The following MGMT variants were observed in gnomAD, a reference collection of about 807,000 sequenced individuals.
MGMT encodes the protein O-6-methylguanine-DNA methyltransferase.
Under a neutral mutation model 15.9 loss-of-function variants are expected in MGMT, and 14 were observed. That is an observed-to-expected ratio of 0.88 (90% CI 0.58 to 1.37). MGMT has a LOEUF of 1.37. MGMT is among the 40% of genes most tolerant of loss of function. The pLI is 0.00. For synonymous variants in MGMT, 130 were observed against 118.2 expected (o/e 1.10, Z -0.65); for missense variants, 282 against 268.1 (o/e 1.05, Z -0.36).
At chr10:129,731,836 A>C (rs1438230156) in intron 3 of MGMT, among the ~76,000 whole-genome samples, 1 of 152,226 alleles carries the variant, frequency 6.6e-6, no homozygotes, top group African/African-American at 2.4e-5. Context: ...TTTTTGCAGA[A>C]TGGAATGCCT....
At chr10:129,607,964 AC>A (rs1342163496) in intron 2 of MGMT, among the ~76,000 whole-genome samples, 1 of 152,094 alleles carries the variant, frequency 6.6e-6, no homozygotes, top group Non-Finnish European at 1.5e-5. Flanking sequence ...GACTCCCTCA[AC>A]CTGTCGGGCT....
At chr10:129,526,962 C>T (rs1218646503) in intron 1 of MGMT, among the ~76,000 whole-genome samples, 1 of 152,204 alleles carries the variant, frequency 6.6e-6, no homozygotes, top group Non-Finnish European at 1.5e-5. Flanking sequence ...CAGAGGTCTC[C>T]AAATAGCCAT....
At chr10:129,547,900 A>G (rs2119782267) in intron 2 of MGMT, among the ~76,000 whole-genome samples, 1 of 152,302 alleles carries the variant, frequency 6.6e-6, no homozygotes, top group East Asian at 1.9e-4. Context: ...GAGCACAGCT[A>G]TGGGAGGCAA....
Position 129,556,876 on chromosome 10 carries a change from T to C in MGMT, c.125+20499T>C, listed in dbSNP as rs140401371. 3.2e-3 allele frequency among the ~76,000 whole-genome samples: 481 copies of C among 152,184 alleles called. 1 individual carries two copies. Among genetic ancestry groups the C allele is most frequent in the African/African-American group, 0.011 (456 of 41,530 alleles). On this transcript the variant is annotated intron_variant, in intron 2 of 4. Coordinates refer to ENST00000651593, the MANE Select transcript of MGMT (RefSeq NM_002412.5). This position sits in a 1 kb window ranked among gnomAD's most constrained non-coding sequence, Gnocchi z 4.3. ...AGGGCTAGTGAGACCAGCTTTCCCT[T>C]GAGTTCTGGGGCGGGACGTGGAATG...
chr10:129,709,270 C>T (rs940723259), intron 3 of MGMT, among the ~76,000 whole-genome samples: 2 of 152,192 alleles, frequency 1.3e-5, no homozygotes, highest in African/African-American at 2.4e-5. Flanking sequence ...CTACCAAAGC[C>T]TCCTGGGCTG....
At chr10:129,563,092 T>TGTCAA (rs1846298946) in intron 2 of MGMT, among the ~76,000 whole-genome samples, 1 of 152,210 alleles carries the variant, frequency 6.6e-6, no homozygotes, top group Non-Finnish European at 1.5e-5. Context: ...TCAAGTGTTG[T>TGTCAA]GAGCACGTTT....
intron 3 of MGMT, among the ~76,000 whole-genome samples, chr10:129,719,359 C>T (rs767606672): frequency 7.2e-5 from 11 of 152,236 alleles, no homozygotes; most frequent in Admixed American, 4.6e-4. Flanking sequence ...TTGCCTGGTG[C>T]GCGCTGGGGC....
At chr10:129,507,767 C>T (rs1468169378) in intron 1 of MGMT, among the ~76,000 whole-genome samples, 1 of 152,156 alleles carries the variant, frequency 6.6e-6, no homozygotes, top group African/African-American at 2.4e-5. Context: ...CTGTGTTTGC[C>T]AGGGTTTTGA....
rs183610387 is a variant in MGMT, at chr10:129,702,467, G to A, written c.126-5428G>A. Reference sequence around the variant, plus strand: ...ACGTGATGTCCTAGGAGAGGCCTAGGGGAGGTGCGACTCTGATGGGCTCTG... The same window carrying A: ...ACGTGATGTCCTAGGAGAGGCCTAGAGGAGGTGCGACTCTGATGGGCTCTG... On this transcript the variant is annotated intron_variant, in intron 2 of 4. Transcript: ENST00000651593. Among the ~76,000 whole-genome samples, 360 of 152,314 alleles carry A rather than the reference G, an allele frequency of 2.4e-3. 1 individual carries two copies. Among genetic ancestry groups the A allele is most frequent in the African/African-American group, 8.3e-3 (346 of 41,578 alleles).
At chr10:129,478,550 T>C (rs1845321479) in intron 1 of MGMT, among the ~76,000 whole-genome samples, 1 of 152,254 alleles carries the variant, frequency 6.6e-6, no homozygotes, top group Non-Finnish European at 1.5e-5. Context: ...ATTCATGCTG[T>C]GGATTGTAGA....
At chr10:129,711,719 G>A (rs556160633) in intron 3 of MGMT, among the ~76,000 whole-genome samples, 3 of 152,166 alleles carry the variant, frequency 2.0e-5, no homozygotes, top group South Asian at 4.1e-4. Context: ...CTGTGTGACC[G>A]AGGGCTAGCA....
chr10:129,634,408 C>T (rs1847243239), intron 2 of MGMT, among the ~76,000 whole-genome samples: 1 of 152,148 alleles, frequency 6.6e-6, no homozygotes, highest in Non-Finnish European at 1.5e-5. Context: ...AATATTTTGG[C>T]TATTTCTTCA....
intron 2 of MGMT, among the ~76,000 whole-genome samples, chr10:129,594,723 G>T (rs1408689374): frequency 2.0e-5 from 3 of 152,334 alleles, no homozygotes; most frequent in African/African-American, 7.2e-5. Context: ...TCCTTGGAGG[G>T]TTCTCTGGCT....
intron 1 of MGMT, among the ~76,000 whole-genome samples, chr10:129,530,928 C>T (rs1220862397): frequency 6.6e-6 from 1 of 152,318 alleles, no homozygotes; most frequent in South Asian, 2.1e-4. Flanking sequence ...CCCACACTCT[C>T]CCCCCGAAGT....
intron 3 of MGMT, among the ~76,000 whole-genome samples, chr10:129,740,744 C>T (rs925116545): frequency 7.2e-5 from 11 of 152,146 alleles, no homozygotes; most frequent in African/African-American, 2.4e-4. Context: ...GCCCCCAGGG[C>T]GACCTTGGAT....
intron 1 of MGMT, among the ~76,000 whole-genome samples, chr10:129,534,532 G>C (rs1315428389): frequency 1.3e-5 from 2 of 151,814 alleles, no homozygotes; most frequent in East Asian, 3.9e-4. Flanking sequence ...TTTGCGGTCC[G>C]CTGCCCGACC....
chr10:129,505,861 A>G (rs1332250838), intron 1 of MGMT, among the ~76,000 whole-genome samples: 2 of 152,096 alleles, frequency 1.3e-5, no homozygotes, highest in East Asian at 3.9e-4. Flanking sequence ...TATTCATGAG[A>G]GCAGTGTGAA....
intron 2 of MGMT, among the ~76,000 whole-genome samples, chr10:129,638,126 T>G (rs914145924): frequency 2.6e-5 from 4 of 152,102 alleles, no homozygotes; most frequent in African/African-American, 7.2e-5. Flanking sequence ...TTTATGTACT[T>G]CAAAAGGAGA....
At chr10:129,707,427 G>A (rs1228626627) in intron 2 of MGMT, among the ~76,000 whole-genome samples, 3 of 151,950 alleles carry the variant, frequency 2.0e-5, no homozygotes, top group Non-Finnish European at 4.4e-5. Flanking sequence ...GGGACTGCAG[G>A]TAAACCCTGA....
Sources: gnomAD v4.1 joint callset for allele counts (sites outside exome capture counted in the v4.1 genomes callset) on GRCh38, gnomAD v4.1.1 for gene constraint, Gnocchi (gnomAD v3.1) non-coding constraint, MANE v1.5 for transcripts, NCBI Gene and HGNC (gene_info 2026-07-23, HGNC 2026-07-21) for gene names.